CSMD1: variants seen among roughly 807,000 people sequenced by gnomAD.
The protein encoded by CSMD1 is CUB and sushi domain-containing protein 1.
CSMD1 carries 213 observed loss-of-function variants against 417.5 expected under a neutral mutation model. The observed-to-expected ratio is 0.51, with a 90% CI of 0.46 to 0.57. The LOEUF (loss-of-function observed/expected upper bound fraction) is 0.57. Among genes scored for constraint, CSMD1 ranks in the 20% least tolerant of loss-of-function variants. The pLI, the probability that CSMD1 is intolerant of heterozygous loss-of-function variation, is 0.00. For synonymous variants in CSMD1, 2,862 were observed against 1,736.8 expected, an observed-to-expected ratio of 1.65 and a Z score of -16.11; for missense variants, 6,923 against 4,529.7, an observed-to-expected ratio of 1.53 and a Z score of -15.17.
chr8:4,470,600 G>T (rs1338218881), intron 2 of CSMD1, among the ~76,000 whole-genome samples: 1 of 152,152 alleles, frequency 6.6e-6, no homozygotes, highest in Non-Finnish European at 1.5e-5. Context: ...CCAAACACTG[G>T]TCTAAGAGCT....
At chr8:3,476,108 T>A (rs1461937831) in intron 11 of CSMD1, among the ~76,000 whole-genome samples, 2 of 152,168 alleles carry the variant, frequency 1.3e-5, no homozygotes. Flanking sequence ...TTTCGGAGGC[T>A]GAGGTGGGAA....
At chr8:4,789,310 C>T (rs905676860) in intron 1 of CSMD1, among the ~76,000 whole-genome samples, 3 of 152,136 alleles carry the variant, frequency 2.0e-5, no homozygotes, top group African/African-American at 4.8e-5. Context: ...ACAACACCAT[C>T]TGTGGTTTAA....
intron 1 of CSMD1, among the ~76,000 whole-genome samples, chr8:4,905,922 C>T (rs750246083): frequency 6.6e-6 from 1 of 151,900 alleles, no homozygotes; most frequent in Non-Finnish European, 1.5e-5. Flanking sequence ...CCACTCTTTC[C>T]TTTCACCAGT....
chr8:3,390,812 A>T (rs187957770), intron 17 of CSMD1, among the ~76,000 whole-genome samples: 3 of 152,198 alleles, frequency 2.0e-5, no homozygotes, highest in Admixed American at 1.3e-4. Context: ...AACAGTCTTT[A>T]TAAAACTCCT....
intron 11 of CSMD1, among the ~76,000 whole-genome samples, chr8:3,490,369 A>G (rs1818299950): frequency 1.3e-5 from 2 of 152,224 alleles, no homozygotes; most frequent in South Asian, 4.1e-4. Flanking sequence ...AGCATTAAAA[A>G]ATGAGTGTAT....
At chr8:4,823,387 C>T (rs948731610) in intron 1 of CSMD1, among the ~76,000 whole-genome samples, 1 of 151,952 alleles carries the variant, frequency 6.6e-6, no homozygotes, top group South Asian at 2.1e-4. Context: ...GAAAAAAAAT[C>T]AAAGTAGTTC....
At chr8:4,304,471 G>T (rs1456352211) in intron 3 of CSMD1, among the ~76,000 whole-genome samples, 1 of 152,178 alleles carries the variant, frequency 6.6e-6, no homozygotes, top group African/African-American at 2.4e-5. Context: ...CACCCAGATA[G>T]TACAGAGTCC....
chr8:3,754,118 A>T, intron 5 of CSMD1, 76 bp from the exon 6 acceptor site: 3 of 859,544 alleles, frequency 3.5e-6, no homozygotes, highest in Non-Finnish European at 5.7e-6. Flanking sequence ...CCCGCTTTGA[A>T]ATCCGATTAC....
At chr8:4,816,307 G>T (rs988346185) in intron 1 of CSMD1, among the ~76,000 whole-genome samples, 2 of 151,888 alleles carry the variant, frequency 1.3e-5, no homozygotes, top group African/African-American at 4.8e-5. Context: ...GCCTCAGCCT[G>T]CCAAGTAGCT....
At chr8:4,901,087 T>C (rs193281960) in intron 1 of CSMD1, among the ~76,000 whole-genome samples, 194 of 152,354 alleles carry the variant, frequency 1.3e-3, no homozygotes, top group Non-Finnish European at 7.3e-4. Flanking sequence ...TTCAACTTAT[T>C]ATTTTGGGCA....
intron 2 of CSMD1, among the ~76,000 whole-genome samples, chr8:4,517,048 T>C (rs1269525475): frequency 6.6e-6 from 1 of 152,224 alleles, no homozygotes; most frequent in Non-Finnish European, 1.5e-5. Context: ...TTTAGATCTC[T>C]GTTTTTCTGT....
At chr8:4,911,562 T>G (rs1194378871) in intron 1 of CSMD1, among the ~76,000 whole-genome samples, 3 of 152,208 alleles carry the variant, frequency 2.0e-5, no homozygotes, top group Non-Finnish European at 4.4e-5. Flanking sequence ...TGCTAATACC[T>G]GCCCTCTACC....
intron 65 of CSMD1, 39 bp from the exon 66 acceptor site, chr8:2,951,314 C>T (rs752591093): frequency 3.0e-5 from 47 of 1,559,542 alleles, no homozygotes; most frequent in Middle Eastern, 1.7e-4. Flanking sequence ...TCAGCACACA[C>T]ACAAACAATA....
At position 3,834,894 on chromosome 8, in the gene CSMD1, A is replaced by T. The variant is rs533672898; in HGVS notation, c.819-80852T>A. On this transcript the variant is annotated intron_variant, in intron 5 of 69. Transcript: ENST00000635120. ...AAGAAAAAAACAAACAACCCCATCA[A>T]AAAGTGGGTGAAGGACATGAACAGA... 1.4e-4 allele frequency among the ~76,000 whole-genome samples: 21 copies of T among 152,210 alleles called. No individual in the cohort carries two copies. In the South Asian group the frequency reaches 2.3e-3, roughly 17 times the overall value.
At chr8:4,257,742 C>T (rs1803566892) in intron 3 of CSMD1, among the ~76,000 whole-genome samples, 1 of 152,180 alleles carries the variant, frequency 6.6e-6, no homozygotes, top group African/African-American at 2.4e-5. Flanking sequence ...CTTCCGCTTT[C>T]CCGTTTGTTA....
intron 3 of CSMD1, among the ~76,000 whole-genome samples, chr8:4,323,083 G>T (rs540325497): frequency 2.1e-5 from 3 of 145,704 alleles, no homozygotes; most frequent in East Asian, 2.2e-4. Flanking sequence ...AAGCAGCGAA[G>T]GAATGGAAAA....
At chr8:4,763,506 C>A (rs1812253174) in intron 1 of CSMD1, among the ~76,000 whole-genome samples, 1 of 152,102 alleles carries the variant, frequency 6.6e-6, no homozygotes. Flanking sequence ...TTGATGACTT[C>A]TTATAATGTA....
intron 10 of CSMD1, among the ~76,000 whole-genome samples, chr8:3,507,519 T>C (rs192739092): frequency 0.076 from 11,504 of 152,188 alleles, 605 homozygotes; most frequent in Non-Finnish European, 0.11. Context: ...GGTATATACC[T>C]AGTAATGGGA....
At chr8:4,427,162 C>T (rs1333448406) in intron 2 of CSMD1, among the ~76,000 whole-genome samples, 1 of 152,070 alleles carries the variant, frequency 6.6e-6, no homozygotes, top group Non-Finnish European at 1.5e-5. Flanking sequence ...ACAGAATCTA[C>T]ACAATGGGTA....
Sources: gnomAD v4.1 joint callset for allele counts (sites outside exome capture counted in the v4.1 genomes callset) on GRCh38, gnomAD v4.1.1 for gene constraint, MANE v1.5 for transcripts, NCBI Gene and HGNC (gene_info 2026-07-23, HGNC 2026-07-21) for gene names.